The following NOS1 variants were observed in gnomAD, a reference collection of about 807,000 sequenced individuals.
NOS1 encodes NOS type I.
A neutral mutation model predicts 164.5 loss-of-function variants in NOS1; 51 were observed. The ratio of observed to expected loss-of-function variants is 0.31; its 90% CI spans 0.25 to 0.39. NOS1 has a LOEUF of 0.39. Among genes scored for constraint, NOS1 ranks in the 10% least tolerant of loss-of-function variants. The probability of loss-of-function intolerance (pLI) is 1.00; values close to 1 mark genes in which losing one functional copy is unlikely to be tolerated. For missense variants in NOS1, 1,362 were observed against 1,885.6 expected, an observed-to-expected ratio of 0.72 and a Z score of 5.14; for synonymous variants, 719 against 745.8, an observed-to-expected ratio of 0.96 and a Z score of 0.59.
chr12:117,296,320 C>T (rs1039928981), intron 3 of NOS1, among the ~76,000 whole-genome samples: 1 of 152,084 alleles, frequency 6.6e-6, no homozygotes, highest in Non-Finnish European at 1.5e-5. Flanking sequence ...AAGTACTGTC[C>T]CTGAGTGTGT....
chr12:117,339,677 A>G (rs960293241), intron 1 of NOS1, among the ~76,000 whole-genome samples: 2 of 152,240 alleles, frequency 1.3e-5, no homozygotes, highest in African/African-American at 4.8e-5. Context: ...CATCCATACA[A>G]CGGAATTCTG....
At chr12:117,311,431 G>A (rs1335650021) in intron 3 of NOS1, 35 bp downstream of exon 3, 16 of 1,568,128 alleles carry the variant, frequency 1.0e-5, no homozygotes, top group Non-Finnish European at 1.3e-5. Flanking sequence ...GAAGGCGTGG[G>A]AAGCAGTGGT....
intron 10 of NOS1, among the ~76,000 whole-genome samples, chr12:117,268,779 A>G (rs1047668325): frequency 7.2e-6 from 1 of 138,140 alleles, no homozygotes; most frequent in Non-Finnish European, 1.6e-5. Flanking sequence ...TTGTATTTTT[A>G]GTAGAGAGGG....
rs983222420 is a variant in NOS1 at position 117,272,977 on chromosome 12, G to C, written c.1665-418C>G. ...CTTCTTCTTTCTTTCTTTTTTTTGGGGGGTAGGGGAATGCAGTCTCGCTCT... is the reference window on the plus strand; with the variant it reads ...CTTCTTCTTTCTTTCTTTTTTTTGGCGGGTAGGGGAATGCAGTCTCGCTCT... On this transcript the variant is annotated intron_variant, in intron 9 of 28. Transcript: ENST00000317775. The surrounding 1 kb of genome is among the most constrained non-coding windows in gnomAD (Gnocchi z 4.3). Among the ~76,000 whole-genome samples the C allele has an allele frequency of 2.0e-5, 3 of 151,890 alleles. No homozygotes were observed. In the South Asian group the frequency reaches 6.2e-4, roughly 32 times the overall value.
At position 117,302,817 on chromosome 12, in the gene NOS1, C is replaced by T. The variant is rs147296698; in HGVS notation, c.852+8649G>A. ...CTGGAGTGCAGTGGCACGATCTCAG[C>T]TCAATGCAACCTCCGCCTCCCAGGT... On this transcript the variant is annotated intron_variant, in intron 3 of 28. Coordinates refer to ENST00000317775, the MANE Select transcript of NOS1 (RefSeq NM_000620.5). 7.9e-3 allele frequency among the ~76,000 whole-genome samples: 1,196 copies of T among 151,936 alleles called. 16 individuals carry two copies. The highest frequency in any genetic ancestry group is 0.027 in the African/African-American group (1,136 of 41,342).
Position 117,214,660 on chromosome 12 carries a change from A to G in NOS1, c.*649T>C, listed in dbSNP as rs2135913801. The G allele has an allele frequency of 1.0e-6, 1 of 985,388 alleles. No homozygotes were observed. Among genetic ancestry groups the G allele is most frequent in the African/African-American group, 1.7e-5 (1 of 57,334 alleles). 61.0% of individuals were successfully genotyped at this position (985,388 alleles called of 1,614,324 possible). On this transcript the variant is annotated 3_prime_UTR_variant, in exon 29 of 29. Transcript: ENST00000317775. ...TGAACCCTTTCTAACTAGAACAATT[A>G]TGGGGCTTCCAAATGTTTCAGGTAC...
Position 117,311,508 on chromosome 12 carries a change from A to G in NOS1, c.810T>C (p.Asn270=). ...ATGGGTTGTTGAGGACGACAGGCAC[A>G]TTGCCCTTCCCCCATAGGTCATTGA... The part of the protein sequence containing the change: ...RVFNDLWGKG[N]VPVVLNNPYS... Residue 270 remains asparagine, a synonymous_variant, in exon 3 of 29, where the codon AAT becomes AAC. Coordinates refer to ENST00000317775, the MANE Select transcript of NOS1 (RefSeq NM_000620.5). 6.2e-7 allele frequency: 1 copy of G among 1,612,616 alleles called. No individual in the cohort carries two copies. Among genetic ancestry groups the G allele is most frequent in the Non-Finnish European group, 8.5e-7 (1 of 1,179,466 alleles).
chr12:117,274,029 A>G (rs1314645823), intron 9 of NOS1, among the ~76,000 whole-genome samples: 1 of 152,192 alleles, frequency 6.6e-6, no homozygotes, highest in Non-Finnish European at 1.5e-5. Flanking sequence ...TGAAAAGACA[A>G]CCTAAAGAAT....
In NOS1 at chr12:117,213,901, C is replaced by T. The variant is rs191201038; in HGVS notation, c.*1408G>A. ...CTGAGAGAGTAAATTCAACAGGTTGCCTCTTAGGGAGGAATTACACCGGCT... is the reference window on the plus strand; with the variant it reads ...CTGAGAGAGTAAATTCAACAGGTTGTCTCTTAGGGAGGAATTACACCGGCT... On this transcript the variant is annotated 3_prime_UTR_variant, in exon 29 of 29. Coordinates refer to ENST00000317775, the MANE Select transcript of NOS1 (RefSeq NM_000620.5). 1,162 of 985,400 alleles carry T rather than the reference C, an allele frequency of 1.2e-3. 1 individual carries two copies. The highest frequency in any genetic ancestry group is 1.1e-3 in the Non-Finnish European group (933 of 829,922). The allele number at this position is 985,400 out of a possible 1,614,324, so 61.0% of individuals were successfully genotyped here. A position where few individuals can be genotyped will look rare whatever the true frequency, so the allele number is the denominator to read the frequency against.
chr12:117,271,979 G>A (rs1469290399), intron 10 of NOS1, among the ~76,000 whole-genome samples: 2 of 152,154 alleles, frequency 1.3e-5, no homozygotes, highest in Non-Finnish European at 2.9e-5. Context: ...ATTTAAGACC[G>A]AGAGGCAGCG....
At position 117,229,562 on chromosome 12, in the gene NOS1, TTCTATCTA is replaced by T. The variant is rs58234141; in HGVS notation, c.3406-1929_3406-1922del. ...AATACATATGGGTTATATCAAATTCTTCTATCTATCTATCTATCTATCTATCTATCTAT... is the reference window on the plus strand; with the variant it reads ...AATACATATGGGTTATATCAAATTCTTCTATCTATCTATCTATCTATCTAT... On this transcript the variant is annotated intron_variant, in intron 22 of 28. Transcript: ENST00000317775. Among the ~76,000 whole-genome samples the T allele has an allele frequency of 3.4e-3, 502 of 149,396 alleles. 3 individuals carry two copies. Among genetic ancestry groups the T allele is most frequent in the South Asian group, 8.2e-3 (38 of 4,626 alleles).
intron 1 of NOS1, among the ~76,000 whole-genome samples, chr12:117,340,722 CTAT>C (rs1876060446): frequency 6.7e-6 from 1 of 149,870 alleles, no homozygotes; most frequent in Non-Finnish European, 1.5e-5. Flanking sequence ...TTTTAAATTT[CTAT>C]TATTTTTATT....
intron 17 of NOS1, 144 bp downstream of exon 17, chr12:117,253,494 C>T (rs1871235593): frequency 4.6e-6 from 3 of 655,088 alleles, no homozygotes; most frequent in Non-Finnish European, 8.2e-6. Flanking sequence ...TGGGAGGGGT[C>T]CCAGACAGCC....
chr12:117,317,205 A>G (rs1874707861), intron 2 of NOS1, among the ~76,000 whole-genome samples: 1 of 151,896 alleles, frequency 6.6e-6, no homozygotes, highest in African/African-American at 2.4e-5. Flanking sequence ...TTCACCAAAA[A>G]TATATTGAGA....
In NOS1 at chr12:117,303,860, C is replaced by G. The variant is rs76386723; in HGVS notation, c.852+7606G>C. Among the ~76,000 whole-genome samples, 33 of 152,200 alleles carry G rather than the reference C, an allele frequency of 2.2e-4. No individual in the cohort carries two copies. In the East Asian group the frequency reaches 5.8e-3, roughly 27 times the overall value. On this transcript the variant is annotated intron_variant, in intron 3 of 28. Transcript: ENST00000317775. The stretch of plus-strand genomic sequence containing the variant: ...ATCTGGGGTAGCTTTTTACTTAAGA[C>G]GATTATTATAACAGCCTTTAGGATG...
intron 21 of NOS1, among the ~76,000 whole-genome samples, chr12:117,233,280 C>A (rs1249148647): frequency 6.6e-6 from 1 of 151,746 alleles, no homozygotes; most frequent in Non-Finnish European, 1.5e-5. Flanking sequence ...AACTCCTGAC[C>A]TCAGGTGATC....
intron 2 of NOS1, among the ~76,000 whole-genome samples, chr12:117,326,213 CTG>C (rs1437384744): frequency 1.3e-5 from 2 of 152,026 alleles, no homozygotes; most frequent in African/African-American, 4.8e-5. Context: ...TGGCGAAACG[CTG>C]TCTCTACTAA....
At chr12:117,259,165 A>C (rs766783488) in intron 14 of NOS1, 35 bp from the exon 15 acceptor site, 1 of 1,412,318 alleles carries the variant, frequency 7.1e-7, no homozygotes, top group Non-Finnish European at 1.0e-6. Flanking sequence ...GGATGGGGAG[A>C]GGAAGAAGGG....
intron 10 of NOS1, among the ~76,000 whole-genome samples, chr12:117,269,229 G>A: frequency 6.6e-6 from 1 of 152,130 alleles, no homozygotes. Flanking sequence ...CGCAGATCTG[G>A]GGAGAGAGTG....
Sources: gnomAD v4.1 joint callset for allele counts (sites outside exome capture counted in the v4.1 genomes callset) on GRCh38, gnomAD v4.1.1 for gene constraint, Gnocchi (gnomAD v3.1) non-coding constraint, MANE v1.5 for transcripts, NCBI Gene and HGNC (gene_info 2026-07-23, HGNC 2026-07-21) for gene names.